The following NEK11 variants were observed in gnomAD, a reference collection of about 807,000 sequenced individuals.
The protein encoded by NEK11 is NIMA related kinase 11, also known as serine/threonine-protein kinase Nek11.
A neutral mutation model predicts 80.7 loss-of-function variants in NEK11; 72 were observed. The observed-to-expected ratio is 0.89, with a 90% confidence interval of 0.74 to 1.08. The LOEUF (loss-of-function observed/expected upper bound fraction) is 1.08, where lower values mean the gene tolerates loss of function less well. NEK11 is among the 50% of genes least tolerant of loss of function. The probability of loss-of-function intolerance (pLI) is 0.00; values close to 1 mark genes in which losing one functional copy is unlikely to be tolerated. For missense variants in NEK11, 764 were observed against 763.6 expected (o/e 1.00, Z -0.01); for synonymous variants, 251 against 260.7 (o/e 0.96, Z 0.36).
At chr3:131,226,629 G>T (rs764279102) in intron 14 of NEK11, among the ~76,000 whole-genome samples, 14 of 152,094 alleles carry the variant, frequency 9.2e-5, no homozygotes, top group Non-Finnish European at 1.9e-4. Flanking sequence ...CTAAGCTATG[G>T]GTACACAGAG....
chr3:131,091,491 G>A (rs1031921972), intron 4 of NEK11, among the ~76,000 whole-genome samples: 23 of 152,164 alleles, frequency 1.5e-4, no homozygotes, highest in African/African-American at 5.6e-4. Context: ...GTAAGCAGGT[G>A]ATTGTCAGAC....
At chr3:131,263,524 G>C (rs914868077) in intron 16 of NEK11, among the ~76,000 whole-genome samples, 2 of 151,938 alleles carry the variant, frequency 1.3e-5, no homozygotes, top group African/African-American at 4.8e-5. Context: ...TTGTTCTTTT[G>C]GCTTAGGATT....
intron 7 of NEK11, among the ~76,000 whole-genome samples, chr3:131,147,147 A>G (rs926484302): frequency 5.3e-5 from 8 of 152,044 alleles, no homozygotes; most frequent in African/African-American, 1.9e-4. Context: ...TTTAAAACTC[A>G]GTTTTCTTCT....
intron 4 of NEK11, among the ~76,000 whole-genome samples, chr3:131,098,666 C>T (rs2077868428): frequency 6.6e-6 from 1 of 151,584 alleles, no homozygotes; most frequent in Non-Finnish European, 1.5e-5. Flanking sequence ...ACCTCTGCCT[C>T]CTGGGTTCAA....
chr3:131,314,485 CTT>C (rs970010182), intron 17 of NEK11, among the ~76,000 whole-genome samples: 10 of 152,186 alleles, frequency 6.6e-5, no homozygotes, highest in South Asian at 2.1e-4. Flanking sequence ...TAGGATAAGT[CTT>C]TTTCTCTTCC....
intron 4 of NEK11, among the ~76,000 whole-genome samples, chr3:131,095,777 C>T (rs2077341773): frequency 6.6e-6 from 1 of 151,980 alleles, no homozygotes; most frequent in South Asian, 2.1e-4. Flanking sequence ...TTGAGAAATT[C>T]CAGAAGTCAG....
rs775322923 is a variant in NEK11, at chr3:131,152,440, G to A, written c.700G>A (p.Gly234Ser). Residue 234 changes from glycine (G) to serine (S), a missense_variant, in exon 8 of 18, where the codon GGC becomes AGC. Coordinates refer to ENST00000383366, the MANE Select transcript of NEK11 (RefSeq NM_024800.5). ...GTGCTGCATGAATCATGCATTCGCT[G>A]GCTCCAATTTCTTATCCATTGTTTT... ...EMCCMNHAFAGSNFLSIVLKI... is the reference protein window; with the variant it reads ...EMCCMNHAFASSNFLSIVLKI... 6 of 1,613,718 alleles carry A rather than the reference G, an allele frequency of 3.7e-6. No homozygotes were observed. The highest frequency in any genetic ancestry group is 5.1e-6 in the Non-Finnish European group (6 of 1,179,784).
At chr3:131,184,738 A>T (rs747930960) in intron 14 of NEK11, 1 of 1,250,192 alleles carries the variant, frequency 8.0e-7, no homozygotes. Flanking sequence ...GAATACTGGA[A>T]AAATGAAAAA....
chr3:131,175,275 T>A (rs2092939599), intron 14 of NEK11: 4 of 268,234 alleles, frequency 1.5e-5, no homozygotes, highest in South Asian at 2.9e-4. Context: ...TGAAAATGCA[T>A]CTACAAGAAG....
At chr3:131,113,610 T>C (rs1466015721) in intron 5 of NEK11, among the ~76,000 whole-genome samples, 1 of 151,930 alleles carries the variant, frequency 6.6e-6, no homozygotes, top group Non-Finnish European at 1.5e-5. Flanking sequence ...CCTGAATTTT[T>C]GGGGAAAAAA....
intron 13 of NEK11, among the ~76,000 whole-genome samples, chr3:131,170,258 T>G (rs2092595359): frequency 6.6e-6 from 1 of 152,216 alleles, no homozygotes; most frequent in Non-Finnish European, 1.5e-5. Flanking sequence ...AACCTTTTAT[T>G]TTTTTGAAGT....
At chr3:131,128,880 T>G (rs1376429827) in intron 5 of NEK11, among the ~76,000 whole-genome samples, 1 of 152,146 alleles carries the variant, frequency 6.6e-6, no homozygotes, top group Non-Finnish European at 1.5e-5. Flanking sequence ...TCATTGTTGT[T>G]TTAATTTTCA....
In NEK11 at chr3:131,200,563, T is replaced by C. The variant is rs146879392; in HGVS notation, c.1400-27965T>C. ...AATTGTTTTGGGATAAACATAGAAA[T>C]TGACCCTTCTGCTCTTAAAGCTTGA... On this transcript the variant is annotated intron_variant, in intron 14 of 17. Coordinates refer to ENST00000383366, the MANE Select transcript of NEK11 (RefSeq NM_024800.5). Among the ~76,000 whole-genome samples, 516 of 152,324 alleles carry C rather than the reference T, an allele frequency of 3.4e-3. 2 individuals are homozygous for C. Among genetic ancestry groups the C allele is most frequent in the African/African-American group, 0.011 (474 of 41,578 alleles).
At chr3:131,310,103 A>G (rs569326279) in intron 17 of NEK11, among the ~76,000 whole-genome samples, 1 of 148,632 alleles carries the variant, frequency 6.7e-6, no homozygotes, top group Admixed American at 6.8e-5. Context: ...GACAGGATTC[A>G]TTGGTTCACT....
intron 14 of NEK11, among the ~76,000 whole-genome samples, chr3:131,202,793 G>A (rs1304985458): frequency 6.6e-6 from 1 of 152,152 alleles, no homozygotes; most frequent in Non-Finnish European, 1.5e-5. Flanking sequence ...CTTCTCAAAC[G>A]AAGACATTTG....
chr3:131,209,289 C>T (rs1229480211), intron 14 of NEK11, among the ~76,000 whole-genome samples: 1 of 152,110 alleles, frequency 6.6e-6, no homozygotes, highest in East Asian at 1.9e-4. Context: ...TATTGATTTG[C>T]ATATGTTGAA....
At chr3:131,082,873 T>G (rs1045766875) in intron 4 of NEK11, among the ~76,000 whole-genome samples, 2 of 152,206 alleles carry the variant, frequency 1.3e-5, no homozygotes, top group Admixed American at 6.5e-5. Flanking sequence ...GACATGATGC[T>G]CCTTTGTCCT....
intron 16 of NEK11, among the ~76,000 whole-genome samples, chr3:131,252,639 A>G (rs899639872): frequency 6.6e-6 from 1 of 152,108 alleles, no homozygotes; most frequent in Non-Finnish European, 1.5e-5. Context: ...TTATAGCATC[A>G]AGGTCAGATT....
chr3:131,114,331 T>C (rs2080664832), intron 5 of NEK11, among the ~76,000 whole-genome samples: 1 of 138,700 alleles, frequency 7.2e-6, no homozygotes, highest in South Asian at 2.3e-4. Flanking sequence ...AAAGCTACTT[T>C]GAGAACGTAG....
Sources: allele counts gnomAD v4.1 joint callset (sites outside exome capture counted in the v4.1 genomes callset), GRCh38; gene constraint gnomAD v4.1.1; transcripts MANE v1.5; gene names NCBI Gene and HGNC (gene_info 2026-07-23, HGNC 2026-07-21).